The following ATAD2B variants were observed in gnomAD, a reference collection of about 807,000 sequenced individuals.
ATAD2B encodes ATPase family AAA domain-containing protein 2B.
In ATAD2B, 40 loss-of-function variants were observed where a neutral mutation model predicts 167.6. That is an observed-to-expected ratio of 0.24 (90% CI 0.19 to 0.31). The LOEUF (loss-of-function observed/expected upper bound fraction) is 0.31. Ranked by LOEUF, ATAD2B falls within the 10% of genes least tolerant of loss-of-function variation. The pLI is 1.00. For missense variants in ATAD2B, 1,242 were observed against 1,757.2 expected, an observed-to-expected ratio of 0.71 and a Z score of 5.24; for synonymous variants, 579 against 596.5, an observed-to-expected ratio of 0.97 and a Z score of 0.43.
chr2:23,877,077 A>C (rs1696970368), intron 7 of ATAD2B, among the ~76,000 whole-genome samples: 1 of 151,480 alleles, frequency 6.6e-6, no homozygotes, highest in Non-Finnish European at 1.5e-5. Context: ...CAAAAAAAAA[A>C]AAAAAAAGAA....
At chr2:23,814,384 T>C (rs892729898) in intron 17 of ATAD2B, among the ~76,000 whole-genome samples, 1 of 152,174 alleles carries the variant, frequency 6.6e-6, no homozygotes, top group African/African-American at 2.4e-5. Flanking sequence ...AAAAAGTTAA[T>C]ATACAAATTA....
the ATAD2B span, chr2:23,696,088 G>A: frequency 6.4e-7 from 1 of 1,551,786 alleles, no homozygotes; most frequent in Non-Finnish European, 8.7e-7. The surrounding 1 kb of genome is among the most constrained non-coding windows in gnomAD (Gnocchi z 5.5). Context: ...CTATGACCGC[G>A]AGTTCTTCAG....
In ATAD2B at chr2:23,752,020, A is replaced by G; in HGVS notation, c.*26T>C. 1 of 1,532,086 alleles carries G rather than the reference A, an allele frequency of 6.5e-7. No individual in the cohort carries two copies. Among genetic ancestry groups the G allele is most frequent in the East Asian group, 2.4e-5 (1 of 41,982 alleles). 94.9% of individuals were successfully genotyped at this position (1,532,086 alleles called of 1,614,324 possible). On this transcript the variant is annotated 3_prime_UTR_variant, in exon 28 of 28. Coordinates refer to ENST00000238789, the MANE Select transcript of ATAD2B (RefSeq NM_017552.4). ...CTGCTCTGTGAGGAGCAGATTGGAG[A>G]GGATAAACCACTCATCTTGAAAAGT...
At chr2:23,762,107 C>T in intron 24 of ATAD2B, 102 bp downstream of exon 24, 1 of 1,200,246 alleles carries the variant, frequency 8.3e-7, no homozygotes, top group Non-Finnish European at 1.1e-6. Context: ...ATTAAAAGAG[C>T]TATGGGAAAA....
At chr2:23,727,697 C>G in the ATAD2B span, among the ~76,000 whole-genome samples, 1 of 152,166 alleles carries the variant, frequency 6.6e-6, no homozygotes, top group African/African-American at 2.4e-5. Context: ...ATAACAGACT[C>G]TGGCATATCC....
chr2:23,825,001 GTGGGTGATCA>G (rs1688025388), intron 15 of ATAD2B, among the ~76,000 whole-genome samples: 1 of 152,094 alleles, frequency 6.6e-6, no homozygotes, highest in Admixed American at 6.6e-5. Context: ...CTGAAGTGCA[GTGGGTGATCA>G]TGGCTCACCG....
intron 8 of ATAD2B, chr2:23,872,202 G>T: frequency 3.1e-6 from 1 of 318,312 alleles, no homozygotes; most frequent in Non-Finnish European, 6.2e-6. Flanking sequence ...TTTGTTTTTA[G>T]ATAGAAGGTC....
intron 1 of ATAD2B, among the ~76,000 whole-genome samples, chr2:23,920,673 C>T (rs1703780398): frequency 6.6e-6 from 1 of 152,070 alleles, no homozygotes; most frequent in South Asian, 2.1e-4. Flanking sequence ...AGGTATATAT[C>T]CTACCTCCAG....
rs375435157 is a variant in ATAD2B, at chr2:23,765,600, G to A, written c.3162C>T (p.Thr1054=). ...GDKIIRHRAC[T]LKDTAHAIIA... ...TGATAGCATGTGCAGTGTCCTTCAG[G>A]GTACAAGCCCTGTGCCTAATTATTT... Residue 1054 remains threonine (T), a synonymous_variant, in exon 23 of 28, where the codon ACC becomes ACT. Transcript: ENST00000238789. The A allele has an allele frequency of 6.5e-6, 10 of 1,535,782 alleles. No individual in the cohort carries two copies. The African/African-American group carries it at 8.3e-5, about 13-fold the overall frequency.
intron 6 of ATAD2B, among the ~76,000 whole-genome samples, chr2:23,881,618 C>T (rs1365481810): frequency 6.6e-6 from 1 of 152,134 alleles, no homozygotes; most frequent in Non-Finnish European, 1.5e-5. Flanking sequence ...CCCTCGGCCT[C>T]CCAATGTGCT....
At chr2:23,915,557 G>A (rs1702917568) in intron 1 of ATAD2B, among the ~76,000 whole-genome samples, 1 of 147,978 alleles carries the variant, frequency 6.8e-6, no homozygotes, top group Admixed American at 6.8e-5. Context: ...GGGATTACAG[G>A]TGTAAACAAC....
intron 13 of ATAD2B, among the ~76,000 whole-genome samples, chr2:23,849,008 G>A (rs1692131729): frequency 6.7e-6 from 1 of 148,330 alleles, no homozygotes; most frequent in Non-Finnish European, 1.5e-5. Flanking sequence ...GCAAAATTGA[G>A]ACTCTAAAAA....
intron 18 of ATAD2B, among the ~76,000 whole-genome samples, chr2:23,803,304 A>C (rs928944308): frequency 2.0e-5 from 3 of 147,358 alleles, no homozygotes; most frequent in African/African-American, 7.5e-5. Context: ...GCTCAGTAAC[A>C]TATGTGTGTA....
intron 9 of ATAD2B, 84 bp downstream of exon 9, chr2:23,869,579 T>C (rs1271853589): frequency 2.2e-6 from 2 of 901,582 alleles, no homozygotes; most frequent in Non-Finnish European, 3.5e-6. Flanking sequence ...GTGTTGAATA[T>C]CAATGTTAGC....
chr2:23,695,493 G>A, the ATAD2B span: 1 of 686,524 alleles, frequency 1.5e-6, no homozygotes, highest in Non-Finnish European at 2.4e-6. The surrounding 1 kb of genome is among the most constrained non-coding windows in gnomAD (Gnocchi z 7.6). Context: ...GGCTAGCAGA[G>A]TATCTACACT....
intron 22 of ATAD2B, 78 bp from the exon 23 acceptor site, chr2:23,765,706 G>A: frequency 5.2e-6 from 5 of 967,600 alleles, no homozygotes; most frequent in South Asian, 3.1e-5. Context: ...AAAAGTAAAA[G>A]AATACAAACA....
At chr2:23,800,754 C>A (rs1683355664) in intron 18 of ATAD2B, among the ~76,000 whole-genome samples, 1 of 148,638 alleles carries the variant, frequency 6.7e-6, no homozygotes, top group East Asian at 1.9e-4. Flanking sequence ...TCCTAGTGAT[C>A]CAATTAAAAA....
Position 23,757,951 on chromosome 2 carries a change from C to G in ATAD2B, c.3545G>C (p.Gly1182Ala). 1 of 1,613,684 alleles carries G rather than the reference C, an allele frequency of 6.2e-7. No homozygotes were observed. The highest frequency in any genetic ancestry group is 1.7e-5 in the Admixed American group (1 of 59,962). ...HTEDRKLLENGEFEVSTDCHE... is the reference protein window; with the variant it reads ...HTEDRKLLENAEFEVSTDCHE... The stretch of plus-strand genomic sequence containing the variant: ...GCAGTCAGTGCTTACCTCAAACTCT[C>G]CATTCTCTAATAATTTCCTGTCCTC... The change falls in exon 25 of 28, where the codon GGA (glycine) becomes GCA (alanine). Residue 1182 changes from glycine (G) to alanine (A), a missense_variant. By Grantham distance (60) the Gly-to-Ala change is moderately conservative. This residue lies in a region of ATAD2B where 282 missense variants were observed against 346.8 expected (regional missense o/e 0.81). Transcript: ENST00000238789.
chr2:23,815,288 G>C (rs942346351), intron 17 of ATAD2B, among the ~76,000 whole-genome samples: 1 of 152,186 alleles, frequency 6.6e-6, no homozygotes, highest in Non-Finnish European at 1.5e-5. Flanking sequence ...AATAGTGTTA[G>C]AGAAAGAAGG....
Sources: allele counts gnomAD v4.1 joint callset (sites outside exome capture counted in the v4.1 genomes callset), GRCh38; gene constraint gnomAD v4.1.1; regional missense constraint gnomAD v4.1.1; non-coding constraint Gnocchi (gnomAD v3.1); transcripts MANE v1.5; gene names NCBI Gene and HGNC (gene_info 2026-07-23, HGNC 2026-07-21).